The following USP11 variants were observed in gnomAD, a reference collection of about 807,000 sequenced individuals.
The protein encoded by USP11 is ubiquitin specific peptidase 11, also known as ubiquitin carboxyl-terminal hydrolase 11.
A neutral mutation model predicts 72.8 loss-of-function variants in USP11; 5 were observed. The ratio of observed to expected loss-of-function variants is 0.07; its 90% CI spans 0.04 to 0.14. USP11 has a LOEUF of 0.14. USP11 is among the 10% of genes least tolerant of loss of function. USP11 has a pLI of 1.00. For missense variants in USP11, 480 were observed against 794.7 expected (o/e 0.60, Z 4.76); for synonymous variants, 368 against 326.5 (o/e 1.13, Z -1.37).
chrX:47,247,870 C>G lies in USP11; in HGVS notation c.2703C>G (p.Gly901=). The G allele has an allele frequency of 1.3e-5, 16 of 1,206,547 alleles. No homozygotes were observed. Among genetic ancestry groups the G allele is most frequent in the Non-Finnish European group, 1.8e-5 (16 of 894,071 alleles). ...TGCTGTCCCCGGCCGGCTCATCTGGCGCCCCAGCCTCCCCTGCCTGCAGCT... is the reference window on the plus strand; with the variant it reads ...TGCTGTCCCCGGCCGGCTCATCTGGGGCCCCAGCCTCCCCTGCCTGCAGCT... ...RRLLSPAGSS[G]APASPACSSP... is the part of the protein sequence containing the mutation. Residue 901 remains glycine, a synonymous_variant, in exon 21 of 21, where the codon GGC becomes GGG. Coordinates refer to ENST00000377107, the MANE Select transcript of USP11 (RefSeq NM_001371072.1).
chrX:47,243,385 A>AC lies in USP11; in HGVS notation c.1584-5dup. The AC allele has an allele frequency of 1.7e-6, 2 of 1,210,833 alleles. No homozygotes were observed. The highest frequency in any genetic ancestry group is 2.2e-6 in the Non-Finnish European group (2 of 894,816). Reference sequence around the variant, plus strand: ...CCCTGATCAGGTGTGCCTGCTGTCCACCCCCCACAGCTATGAGGTGTCAGG... The same window carrying AC: ...CCCTGATCAGGTGTGCCTGCTGTCCACCCCCCCACAGCTATGAGGTGTCAGG... On this transcript the variant is annotated splice_polypyrimidine_tract_variant and intron_variant, in intron 12 of 20. Transcript: ENST00000377107.
rs1346483971 is a variant in USP11, at chrX:47,245,153, C to G, written c.2157+67C>G. The G allele has an allele frequency of 9.6e-6, 11 of 1,142,791 alleles. No homozygotes were observed. The East Asian group carries it at 3.4e-4, about 35-fold the overall frequency. The allele number at this position is 1,142,791 out of a possible 1,213,427, so 94.2% of individuals were successfully genotyped here. A position where few individuals can be genotyped will look rare whatever the true frequency, so the allele number is the denominator to read the frequency against. ...CCCCTCAACTCTTCGTACATCCTCC[C>G]CACAACTCCTCTAGCTGGGAACAGA... On this transcript the variant is annotated intron_variant, in intron 16 of 20. Coordinates refer to ENST00000377107, the MANE Select transcript of USP11 (RefSeq NM_001371072.1).
In USP11 at chrX:47,248,249, AAC is replaced by A. The variant is rs767938501; in HGVS notation, c.*323_*324del. The A allele has an allele frequency of 1.4e-3, 368 of 266,025 alleles. No individual in the cohort carries two copies. The highest frequency in any genetic ancestry group is 2.1e-3 in the Non-Finnish European group (328 of 153,362). 21.9% of individuals were successfully genotyped at this position (266,025 alleles called of 1,213,427 possible). A position where few individuals can be genotyped will look rare whatever the true frequency, so the allele number is the denominator to read the frequency against. The stretch of plus-strand genomic sequence containing the variant: ...GTGGGTGGTGATGGGGGTTCACCTG[AAC>A]ACAGAGTGTATTTTCTTATTGAGGC... On this transcript the variant is annotated 3_prime_UTR_variant, in exon 21 of 21. Transcript: ENST00000377107.
Position 47,245,501 on chromosome X carries a change from G to A in USP11, c.2270+19G>A. On this transcript the variant is annotated intron_variant, in intron 17 of 20. Coordinates refer to ENST00000377107, the MANE Select transcript of USP11 (RefSeq NM_001371072.1). ...ACCCCTGGTGAGGGGCCAGAGCGGG[G>A]CCTGTGTGTGGGGGTTTCATTGGAT... The A allele has an allele frequency of 2.7e-6, 3 of 1,098,064 alleles. No individual in the cohort carries two copies. The highest frequency in any genetic ancestry group is 3.8e-6 in the Non-Finnish European group (3 of 795,733). The allele number at this position is 1,098,064 out of a possible 1,213,427, so 90.5% of individuals were successfully genotyped here.
In USP11 at chrX:47,247,543, CAA is replaced by C. The variant is rs10608095; in HGVS notation, c.2537-67_2537-66del. The C allele has an allele frequency of 0.014, 16,383 of 1,171,534 alleles. 1,373 individuals are homozygous for C. The African/African-American group carries it at 0.25, about 18-fold the overall frequency. ...GAGGTTATCGTGGTGGGAGGAGTGA[CAA>C]GAGTGAATCTGGACACTTCTGAGAG... On this transcript the variant is annotated intron_variant, in intron 19 of 20. Coordinates refer to ENST00000377107, the MANE Select transcript of USP11 (RefSeq NM_001371072.1).
At chrX:47,233,588 T>TG (rs2055356853) in intron 1 of USP11, 1 of 797,856 alleles carries the variant, frequency 1.3e-6, no homozygotes, top group Non-Finnish European at 1.5e-6. Flanking sequence ...ATGCAACTTT[T>TG]GGGGGCGAGG....
intron 7 of USP11, 29 bp downstream of exon 7, chrX:47,240,905 A>G (rs2055398944): frequency 8.5e-7 from 1 of 1,177,443 alleles, no homozygotes; most frequent in African/African-American, 1.8e-5. Flanking sequence ...TGTCTGGCAC[A>G]GCCACGTGGT....
At position 47,245,601 on chromosome X, in the gene USP11, G is replaced by A. The variant is rs1438408357; in HGVS notation, c.2270+119G>A. ...CTCTGTCAACCCAGGCTGAAGTGCA[G>A]TGGTACAATCTCGGCTCAGTGCAAC... On this transcript the variant is annotated intron_variant, in intron 17 of 20. Transcript: ENST00000377107. 3 of 468,480 alleles carry A rather than the reference G, an allele frequency of 6.4e-6. No individual in the cohort carries two copies. The Admixed American group carries it at 1.2e-4, about 18-fold the overall frequency. The allele number at this position is 468,480 out of a possible 1,213,427, so 38.6% of individuals were successfully genotyped here. A position where few individuals can be genotyped will look rare whatever the true frequency, so the allele number is the denominator to read the frequency against.
At position 47,248,151 on chromosome X, in the gene USP11, C is replaced by G. The variant is rs1462438116; in HGVS notation, c.*221C>G. On this transcript the variant is annotated 3_prime_UTR_variant, in exon 21 of 21. Coordinates refer to ENST00000377107, the MANE Select transcript of USP11 (RefSeq NM_001371072.1). ...GCGCGCCCCGCCTGTGTTTGCCCTT[C>G]CAGCAGTGACCCTCCCTTCTAGTCT... is the stretch of plus-strand genomic sequence containing the variant. The G allele has an allele frequency of 6.7e-6, 3 of 444,862 alleles. No individual in the cohort carries two copies. The African/African-American group carries it at 7.5e-5, about 11-fold the overall frequency. The allele number at this position is 444,862 out of a possible 1,213,427, so 36.7% of individuals were successfully genotyped here.
chrX:47,247,597 T>C lies in USP11; in HGVS notation c.2537-14T>C. 1 of 1,208,160 alleles carries C rather than the reference T, an allele frequency of 8.3e-7. No individual in the cohort carries two copies. The highest frequency in any genetic ancestry group is 1.1e-6 in the Non-Finnish European group (1 of 892,676). On this transcript the variant is annotated splice_polypyrimidine_tract_variant and intron_variant, in intron 19 of 20. Transcript: ENST00000377107. ...CAGGAAGGGTAGGCGAGGATAACTC[T>C]CCTTCCCTTTCAGACACAACATTTG...
chrX:47,240,570 C>G lies in USP11; in HGVS notation c.682-17C>G, dbSNP rs1237544973. ...CCTCCATTAATACCTTTCCTTCTTT[C>G]TCTTTCTCCAACCCAGTTGATCATC... On this transcript the variant is annotated splice_polypyrimidine_tract_variant and intron_variant, in intron 5 of 20. Coordinates refer to ENST00000377107, the MANE Select transcript of USP11 (RefSeq NM_001371072.1). 2 of 1,211,620 alleles carry G rather than the reference C, an allele frequency of 1.7e-6. No homozygotes were observed. The highest frequency in any genetic ancestry group is 2.2e-6 in the Non-Finnish European group (2 of 895,350).
At position 47,247,942 on chromosome X, in the gene USP11, C is replaced by G. The variant is rs768809633; in HGVS notation, c.*12C>G. On this transcript the variant is annotated 3_prime_UTR_variant, in exon 21 of 21. Transcript: ENST00000377107. The stretch of plus-strand genomic sequence containing the variant: ...TGGATGTTAATTGAGAGCCCTGGGT[C>G]CTGCCACAGAAAAAAAAAAAAAAAA... 2 of 1,147,512 alleles carry G rather than the reference C, an allele frequency of 1.7e-6. No individual in the cohort carries two copies. The highest frequency in any genetic ancestry group is 3.8e-5 in the African/African-American group (2 of 52,032). The allele number at this position is 1,147,512 out of a possible 1,213,427, so 94.6% of individuals were successfully genotyped here. A position where few individuals can be genotyped will look rare whatever the true frequency, so the allele number is the denominator to read the frequency against.
intron 1 of USP11, among the ~76,000 whole-genome samples, chrX:47,235,555 C>T (rs1350550758): frequency 9.1e-6 from 1 of 110,432 alleles, no homozygotes; most frequent in South Asian, 3.8e-4. Flanking sequence ...CTTTATGAAG[C>T]TGGTCTCCTG....
At chrX:47,238,951 C>G in intron 1 of USP11, 119 bp from the exon 2 acceptor site, 3 of 469,790 alleles carry the variant, frequency 6.4e-6, no homozygotes, top group Non-Finnish European at 1.1e-5. Context: ...TTATATGATG[C>G]TGAAACTTTT....
At chrX:47,234,740 T>C (rs960379887) in intron 1 of USP11, among the ~76,000 whole-genome samples, 1 of 112,010 alleles carries the variant, frequency 8.9e-6, no homozygotes, top group Non-Finnish European at 1.9e-5. Flanking sequence ...AGATTTTACA[T>C]GTTCTACCAC....
In USP11 at chrX:47,248,158, T is replaced by C; in HGVS notation, c.*228T>C. The C allele has an allele frequency of 2.3e-6, 1 of 438,215 alleles. No homozygotes were observed. The highest frequency in any genetic ancestry group is 3.8e-6 in the Non-Finnish European group (1 of 266,065). The allele number at this position is 438,215 out of a possible 1,213,427, so 36.1% of individuals were successfully genotyped here. ...CCGCCTGTGTTTGCCCTTCCAGCAG[T>C]GACCCTCCCTTCTAGTCTTTATTTA... On this transcript the variant is annotated 3_prime_UTR_variant, in exon 21 of 21. Coordinates refer to ENST00000377107, the MANE Select transcript of USP11 (RefSeq NM_001371072.1).
At chrX:47,246,617 G>A (rs1255888542) in intron 17 of USP11, among the ~76,000 whole-genome samples, 1 of 110,885 alleles carries the variant, frequency 9.0e-6, no homozygotes, top group Middle Eastern at 4.2e-3. Flanking sequence ...ATTTTAACAG[G>A]AACAGAGCAA....
chrX:47,236,951 A>G (rs1602707539), intron 1 of USP11, among the ~76,000 whole-genome samples: 1 of 111,867 alleles, frequency 8.9e-6, no homozygotes, highest in African/African-American at 3.3e-5. Flanking sequence ...GTTAACAATG[A>G]TTTTTTTAAA....
chrX:47,245,543 G>C, intron 17 of USP11, 61 bp downstream of exon 17: 1 of 663,443 alleles, frequency 1.5e-6, no homozygotes, highest in Non-Finnish European at 2.2e-6. Flanking sequence ...ACTATATTTA[G>C]CTTTTTTTTT....
Sources: gnomAD v4.1 joint callset for allele counts (sites outside exome capture counted in the v4.1 genomes callset) on GRCh38, gnomAD v4.1.1 for gene constraint, MANE v1.5 for transcripts, NCBI Gene and HGNC (gene_info 2026-07-23, HGNC 2026-07-21) for gene names.